The following FOXO1 variants were observed in gnomAD, a reference collection of about 807,000 sequenced individuals.
The protein encoded by FOXO1 is forkhead box protein O1.
Under a neutral mutation model 44.1 loss-of-function variants are expected in FOXO1, and 6 were observed. The observed-to-expected ratio is 0.14, with a 90% confidence interval of 0.07 to 0.27. FOXO1 has a LOEUF of 0.27. Ranked by LOEUF, FOXO1 falls within the 10% of genes least tolerant of loss-of-function variation. The pLI is 1.00. For missense variants in FOXO1, 737 were observed against 888.8 expected, an observed-to-expected ratio of 0.83 and a Z score of 2.17; for synonymous variants, 380 against 362.7, an observed-to-expected ratio of 1.05 and a Z score of -0.54.
intron 1 of FOXO1, among the ~76,000 whole-genome samples, chr13:40,588,724 C>T (rs1240668878): frequency 6.6e-6 from 1 of 152,136 alleles, no homozygotes; most frequent in Non-Finnish European, 1.5e-5. Flanking sequence ...TCAGAATGAG[C>T]AACTATGGAG....
chr13:40,641,038 C>T (rs543064264), intron 1 of FOXO1, among the ~76,000 whole-genome samples: 29 of 152,266 alleles, frequency 1.9e-4, no homozygotes, highest in South Asian at 6.2e-4. Context: ...CCCGCCTTGG[C>T]CCTCCAAAGT....
At chr13:40,569,108 C>T (rs190764372) in intron 1 of FOXO1, among the ~76,000 whole-genome samples, 4 of 152,224 alleles carry the variant, frequency 2.6e-5, no homozygotes, top group Admixed American at 1.3e-4. Context: ...TCAGTCATTC[C>T]AAAGGAAGGG....
chr13:40,590,340 C>G (rs983041640), intron 1 of FOXO1, among the ~76,000 whole-genome samples: 33 of 152,186 alleles, frequency 2.2e-4, no homozygotes, highest in Admixed American at 3.3e-4. Flanking sequence ...CCAAATGCCG[C>G]AAACAGAAAC....
At chr13:40,601,066 T>G (rs1875800705) in intron 1 of FOXO1, among the ~76,000 whole-genome samples, 1 of 152,180 alleles carries the variant, frequency 6.6e-6, no homozygotes, top group Non-Finnish European at 1.5e-5. Context: ...CCACAGATTA[T>G]TATACCTCAA....
intron 1 of FOXO1, among the ~76,000 whole-genome samples, chr13:40,602,023 T>C (rs1875831296): frequency 1.3e-5 from 2 of 152,172 alleles, no homozygotes; most frequent in Admixed American, 1.3e-4. Context: ...CTACATGACA[T>C]AGAAAGATTC....
intron 1 of FOXO1, among the ~76,000 whole-genome samples, chr13:40,661,056 A>C (rs1321454290): frequency 6.6e-6 from 1 of 152,174 alleles, no homozygotes; most frequent in Non-Finnish European, 1.5e-5. Context: ...ATGCCACAAA[A>C]CCATGCGTAA....
At chr13:40,592,820 T>A (rs1341671790) in intron 1 of FOXO1, among the ~76,000 whole-genome samples, 1 of 152,186 alleles carries the variant, frequency 6.6e-6, no homozygotes, top group Non-Finnish European at 1.5e-5. Flanking sequence ...CCCTATTGTC[T>A]TCCCAAGAAA....
rs1352961719 is a variant in FOXO1 at position 40,558,689 on chromosome 13, A to G, written c.*360T>C. The G allele has an allele frequency of 2.5e-6, 1 of 397,374 alleles. No individual in the cohort carries two copies. Among genetic ancestry groups the G allele is most frequent in the African/African-American group, 2.1e-5 (1 of 48,616 alleles). The allele number at this position is 397,374 out of a possible 1,614,324, so 24.6% of individuals were successfully genotyped here. On this transcript the variant is annotated 3_prime_UTR_variant, in exon 3 of 3. Coordinates refer to ENST00000379561, the MANE Select transcript of FOXO1 (RefSeq NM_002015.4). ...ATTTAGAAAAACCAAAAACACACAC[A>G]AATACAATCTGTATCTACTGCTTAT...
At chr13:40,603,353 C>CAAAA (rs60741629) in intron 1 of FOXO1, among the ~76,000 whole-genome samples, 15 of 73,928 alleles carry the variant, frequency 2.0e-4, no homozygotes, top group South Asian at 4.2e-4. Flanking sequence ...CAGATGAATC[C>CAAAA]AAAAAAAAAA....
intron 1 of FOXO1, among the ~76,000 whole-genome samples, chr13:40,656,364 T>C (rs899889020): frequency 6.6e-6 from 1 of 152,258 alleles, no homozygotes; most frequent in African/African-American, 2.4e-5. Flanking sequence ...AATTGCTGAC[T>C]TCAATTCAGA....
chr13:40,644,405 C>T (rs942259969), intron 1 of FOXO1, among the ~76,000 whole-genome samples: 1 of 151,906 alleles, frequency 6.6e-6, no homozygotes, highest in African/African-American at 2.4e-5. Context: ...CTGCCTCTAA[C>T]AGAAAGGAAA....
chr13:40,639,594 G>A (rs1361755926), intron 1 of FOXO1, among the ~76,000 whole-genome samples: 2 of 152,220 alleles, frequency 1.3e-5, no homozygotes, highest in African/African-American at 4.8e-5. Context: ...CACACATAGT[G>A]GCCAGCACTA....
chr13:40,620,259 T>TA (rs1319382860), intron 1 of FOXO1: 8 of 1,401,024 alleles, frequency 5.7e-6, no homozygotes, highest in Non-Finnish European at 4.0e-6. Context: ...CCGGAGAAAA[T>TA]AGAGATCAGG....
rs964083165 is a variant in FOXO1, at chr13:40,666,334, G to A, written c.-122C>T. 10 of 770,320 alleles carry A rather than the reference G, an allele frequency of 1.3e-5. No homozygotes were observed. The highest frequency in any genetic ancestry group is 1.8e-5 in the Non-Finnish European group (10 of 541,818). The allele number at this position is 770,320 out of a possible 1,614,324, so 47.7% of individuals were successfully genotyped here. On this transcript the variant is annotated 5_prime_UTR_variant, in exon 1 of 3. Transcript: ENST00000379561. ...GATTTGGGGGAACGAAGCCGGTGCG[G>A]CGAGCGGACGGAAACTGGGAGGAAG...
intron 1 of FOXO1, among the ~76,000 whole-genome samples, chr13:40,648,381 CTTAGATGCAAAACAG>C (rs1435423385): frequency 2.0e-5 from 3 of 152,124 alleles, no homozygotes; most frequent in African/African-American, 7.2e-5. Flanking sequence ...ACCATGTATA[CTTAGATGCAAAACAG>C]TTCAAAAACC....
Position 40,560,268 on chromosome 13 carries a change from G to A in FOXO1, c.1223C>T (p.Ala408Val), listed in dbSNP as rs772929365. ...MMQQTPCYSF[A>V]PPNTSLNSPS... is the part of the protein sequence containing the mutation. ...TGAATTCAAACTGGTGTTTGGTGGC[G>A]CAAACGAGTAGCACGGCGTCTGCTG... The change falls in exon 2 of 3, where the codon GCG becomes GTG. Residue 408 changes from alanine to valine, a missense_variant. Transcript: ENST00000379561. The surrounding 1 kb of genome is among the most constrained non-coding windows in gnomAD (Gnocchi z 5.1). 13 of 1,614,134 alleles carry A rather than the reference G, an allele frequency of 8.1e-6. No individual in the cohort carries two copies. The highest frequency in any genetic ancestry group is 5.0e-5 in the Admixed American group (3 of 60,022).
intron 1 of FOXO1, among the ~76,000 whole-genome samples, chr13:40,658,853 C>A (rs1287560551): frequency 2.7e-4 from 41 of 151,002 alleles, no homozygotes; most frequent in African/African-American, 9.0e-4. Flanking sequence ...ACTAAAAATA[C>A]AAAAAAAAAT....
At chr13:40,582,815 A>C (rs1875008831) in intron 1 of FOXO1, among the ~76,000 whole-genome samples, 1 of 152,170 alleles carries the variant, frequency 6.6e-6, no homozygotes, top group Non-Finnish European at 1.5e-5. Context: ...ATCCATGAAG[A>C]CTGGAATCAG....
At chr13:40,655,333 A>T (rs1030946142) in intron 1 of FOXO1, among the ~76,000 whole-genome samples, 5 of 140,346 alleles carry the variant, frequency 3.6e-5, no homozygotes, top group Non-Finnish European at 1.5e-5. Context: ...TTGGTGACAG[A>T]GTTAGACCCC....
Sources: gnomAD v4.1 joint callset for allele counts (sites outside exome capture counted in the v4.1 genomes callset) on GRCh38, gnomAD v4.1.1 for gene constraint, Gnocchi (gnomAD v3.1) non-coding constraint, MANE v1.5 for transcripts, NCBI Gene and HGNC (gene_info 2026-07-23, HGNC 2026-07-21) for gene names.